RBFOX1: variants seen among roughly 807,000 people sequenced by gnomAD.
RBFOX1 encodes RNA binding fox-1 homolog 1.
Under a neutral mutation model 57.7 loss-of-function variants are expected in RBFOX1, and 8 were observed. That is an observed-to-expected ratio of 0.14 (90% CI 0.08 to 0.25). RBFOX1 has a LOEUF of 0.25. Among genes scored for constraint, RBFOX1 ranks in the 10% least tolerant of loss-of-function variants. The pLI, the probability that RBFOX1 is intolerant of heterozygous loss-of-function variation, is 1.00. For missense variants in RBFOX1, 611 were observed against 548.5 expected, an observed-to-expected ratio of 1.11 and a Z score of -1.14; for synonymous variants, 326 against 222.4, an observed-to-expected ratio of 1.47 and a Z score of -4.15.
intron 3 of RBFOX1, among the ~76,000 whole-genome samples, chr16:6,662,855 A>G (rs974295145): frequency 2.2e-4 from 33 of 152,172 alleles, no homozygotes; most frequent in African/African-American, 8.0e-4. Context: ...TCAACGAGCT[A>G]TTTCTTTTCT....
chr16:7,408,033 C>G (rs544910852), intron 4 of RBFOX1, among the ~76,000 whole-genome samples: 59 of 152,316 alleles, frequency 3.9e-4, no homozygotes, highest in African/African-American at 1.4e-3. Context: ...AAAAAAGAAA[C>G]TGATAACCCT....
intron 3 of RBFOX1, among the ~76,000 whole-genome samples, chr16:6,988,797 G>C (rs1040251914): frequency 6.8e-6 from 1 of 147,022 alleles, no homozygotes; most frequent in African/African-American, 2.6e-5. Flanking sequence ...TTTTAAGATG[G>C]AGTCTTGCTC....
intron 3 of RBFOX1, among the ~76,000 whole-genome samples, chr16:6,918,135 G>A (rs776955802): frequency 3.9e-5 from 6 of 151,978 alleles, no homozygotes; most frequent in Non-Finnish European, 8.8e-5. Context: ...TAAAAATGCA[G>A]AAATTAGCTG....
At chr16:6,137,840 G>A (rs1262132683) in intron 1 of RBFOX1, among the ~76,000 whole-genome samples, 2 of 151,982 alleles carry the variant, frequency 1.3e-5, no homozygotes, top group East Asian at 1.9e-4. Context: ...AAACTCCGGG[G>A]CTCCAGTAAT....
chr16:6,433,738 C>G (rs531691233), intron 2 of RBFOX1, among the ~76,000 whole-genome samples: 20 of 152,170 alleles, frequency 1.3e-4, no homozygotes, highest in African/African-American at 4.8e-4. Context: ...GGGACTGCCA[C>G]TTTCCTTGGC....
intron 3 of RBFOX1, among the ~76,000 whole-genome samples, chr16:6,959,078 C>G (rs1268231480): frequency 6.6e-6 from 1 of 152,102 alleles, no homozygotes; most frequent in African/African-American, 2.4e-5. Flanking sequence ...TTCTTAAGTG[C>G]ATAAAGATAG....
intron 2 of RBFOX1, among the ~76,000 whole-genome samples, chr16:6,547,124 G>A (rs1209016053): frequency 6.6e-6 from 1 of 152,162 alleles, no homozygotes; most frequent in Non-Finnish European, 1.5e-5. Context: ...TAAAGTATCT[G>A]GCGCTCTTTT....
At chr16:7,630,197 C>A (rs755730139) in intron 10 of RBFOX1, among the ~76,000 whole-genome samples, 2 of 152,110 alleles carry the variant, frequency 1.3e-5, no homozygotes, top group Non-Finnish European at 2.9e-5. Context: ...GATGGAAACA[C>A]TGAGGCACAG....
chr16:5,416,793 T>C (rs532625213), intron 1 of RBFOX1, among the ~76,000 whole-genome samples: 18 of 152,252 alleles, frequency 1.2e-4, no homozygotes, highest in African/African-American at 4.3e-4. Flanking sequence ...ACAAAGCAAT[T>C]TGCTTTGGCA....
In RBFOX1 at chr16:5,542,952, A is replaced by G. The variant is rs185408550; in HGVS notation, c.259-55950A>G. On this transcript the variant is annotated intron_variant, in intron 2 of 2. Coordinates refer to the RBFOX1 transcript ENST00000585867. ...CTGGTGCTCAGTCATGGCTGAGAAT[A>G]GTGCCAACTTCCACCAGCCAGAGTT... is the stretch of plus-strand genomic sequence containing the variant. 2.2e-3 allele frequency among the ~76,000 whole-genome samples: 341 copies of G among 152,316 alleles called. 1 individual carries two copies. Among genetic ancestry groups the G allele is most frequent in the Non-Finnish European group, 3.7e-3 (253 of 68,030 alleles).
chr16:5,984,471 G>A (rs928258455), intron 4 of RBFOX1, among the ~76,000 whole-genome samples: 3 of 151,974 alleles, frequency 2.0e-5, no homozygotes, highest in Non-Finnish European at 2.9e-5. Context: ...AGTTATCCCA[G>A]TGAACTGTCA....
chr16:6,657,587 A>G (rs926837486), intron 3 of RBFOX1, among the ~76,000 whole-genome samples: 2 of 152,142 alleles, frequency 1.3e-5, no homozygotes, highest in African/African-American at 4.8e-5. Context: ...AAATTTCACC[A>G]CTGGAGTGAT....
intron 3 of RBFOX1, among the ~76,000 whole-genome samples, chr16:6,752,516 A>C (rs897787071): frequency 6.6e-6 from 1 of 152,162 alleles, no homozygotes; most frequent in Non-Finnish European, 1.5e-5. Context: ...TGTTCTTTCC[A>C]TGTTTGTTCA....
At chr16:7,026,844 G>C (rs59429074) in intron 3 of RBFOX1, among the ~76,000 whole-genome samples, 19,614 of 152,274 alleles carry the variant, frequency 0.13, 1,332 homozygotes, top group Middle Eastern at 0.17. Context: ...GGACATTCCA[G>C]TCGGCTTGCT....
At chr16:6,544,264 G>A (rs940563951) in intron 2 of RBFOX1, among the ~76,000 whole-genome samples, 2 of 152,216 alleles carry the variant, frequency 1.3e-5, no homozygotes, top group Non-Finnish European at 2.9e-5. Context: ...CACCACAGGT[G>A]TGGTTGCAAG....
At chr16:5,781,488 A>C (rs963370402) in intron 3 of RBFOX1, among the ~76,000 whole-genome samples, 2 of 152,192 alleles carry the variant, frequency 1.3e-5, no homozygotes, top group Non-Finnish European at 2.9e-5. Flanking sequence ...TCAAACACCC[A>C]CACATATTTA....
At chr16:6,367,865 G>A (rs1006493722) in intron 2 of RBFOX1, among the ~76,000 whole-genome samples, 8 of 152,138 alleles carry the variant, frequency 5.3e-5, no homozygotes, top group African/African-American at 7.2e-5. Flanking sequence ...AGTTAATGGG[G>A]TTGCCTAAAT....
chr16:6,966,006 G>C (rs968368811), intron 3 of RBFOX1, among the ~76,000 whole-genome samples: 1 of 152,096 alleles, frequency 6.6e-6, no homozygotes, highest in Non-Finnish European at 1.5e-5. Context: ...TCAAAATGGA[G>C]CGTATCATAG....
chr16:6,391,190 G>A (rs1351104138), intron 2 of RBFOX1, among the ~76,000 whole-genome samples: 2 of 152,136 alleles, frequency 1.3e-5, no homozygotes, highest in African/African-American at 4.8e-5. Context: ...TCCATGGAAA[G>A]CCACTGAAAG....
Sources: allele counts gnomAD v4.1 joint callset (sites outside exome capture counted in the v4.1 genomes callset), GRCh38; gene constraint gnomAD v4.1.1; transcripts MANE v1.5; gene names NCBI Gene and HGNC (gene_info 2026-07-23, HGNC 2026-07-21).